SPIDR: variants seen among roughly 807,000 people sequenced by gnomAD.
SPIDR encodes the protein DNA repair-scaffolding protein.
In SPIDR, 93 loss-of-function variants were observed where a neutral mutation model predicts 104.6. That is an observed-to-expected ratio of 0.89 (90% confidence interval 0.75 to 1.06). The LOEUF is 1.06. SPIDR is among the 50% of genes least tolerant of loss of function. The pLI is 0.00. For synonymous variants in SPIDR, 431 were observed against 416.9 expected (o/e 1.03, Z -0.41); for missense variants, 1,154 against 1,111.2 (o/e 1.04, Z -0.55).
At chr8:47,729,211 C>T in intron 18 of SPIDR, 164 bp downstream of exon 18, 1 of 1,494,606 alleles carries the variant, frequency 6.7e-7, no homozygotes, top group Non-Finnish European at 8.9e-7. Context: ...TAGGAGCTTC[C>T]CTAGGAAAGG....
chr8:47,701,176 G>C (rs1435007247), intron 12 of SPIDR, among the ~76,000 whole-genome samples: 1 of 152,246 alleles, frequency 6.6e-6, no homozygotes, highest in African/African-American at 2.4e-5. Context: ...GCTCATGCCT[G>C]TAATCCCAGC....
chr8:47,673,833 T>C lies in SPIDR; in HGVS notation c.1577T>C (p.Met526Thr), dbSNP rs1160729508. ...CTTCTGGTACAAGATGCCTGTGGAA[T>C]GTTCGGTGAAGTGCACTTGGAGTTC... The part of the protein sequence containing the change: ...ACLLVQDACG[M>T]FGEVHLEFTM... The change falls in exon 11 of 20, where the codon ATG (methionine) becomes ACG (threonine). Residue 526 changes from methionine to threonine, a missense_variant. Coordinates refer to ENST00000297423, the MANE Select transcript of SPIDR (RefSeq NM_001080394.4). The C allele has an allele frequency of 1.2e-6, 2 of 1,614,158 alleles. No homozygotes were observed. Among genetic ancestry groups the C allele is most frequent in the African/African-American group, 1.3e-5 (1 of 75,020 alleles).
At chr8:47,529,141 G>A (rs1304449764) in intron 8 of SPIDR, among the ~76,000 whole-genome samples, 1 of 152,144 alleles carries the variant, frequency 6.6e-6, no homozygotes, top group African/African-American at 2.4e-5. Context: ...ATTAAAGGAG[G>A]CCGGGCCCGG....
intron 10 of SPIDR, among the ~76,000 whole-genome samples, chr8:47,605,938 C>G (rs1408913138): frequency 5.9e-5 from 9 of 152,312 alleles, no homozygotes; most frequent in African/African-American, 2.2e-4. Context: ...CATCTGGCTG[C>G]TGAGGAAGCT....
intron 10 of SPIDR, among the ~76,000 whole-genome samples, chr8:47,655,569 GTTGT>G (rs1423309413): frequency 2.0e-5 from 3 of 152,090 alleles, no homozygotes; most frequent in African/African-American, 4.8e-5. Flanking sequence ...TTTTGATGGG[GTTGT>G]TTGTTTTTTT....
chr8:47,529,943 G>C (rs1438194868), intron 8 of SPIDR, among the ~76,000 whole-genome samples: 1 of 152,110 alleles, frequency 6.6e-6, no homozygotes, highest in Non-Finnish European at 1.5e-5. Context: ...AGTAAAAAAG[G>C]AAGTACAATC....
chr8:47,284,311 A>ACT (rs2038388400), intron 3 of SPIDR, among the ~76,000 whole-genome samples: 1 of 152,202 alleles, frequency 6.6e-6, no homozygotes, highest in Non-Finnish European at 1.5e-5. Flanking sequence ...CCTACAGATA[A>ACT]CTAACATTTT....
At chr8:47,431,161 G>A (rs1183038990) in intron 7 of SPIDR, among the ~76,000 whole-genome samples, 2 of 152,212 alleles carry the variant, frequency 1.3e-5, no homozygotes, top group African/African-American at 4.8e-5. Flanking sequence ...TCGCCTTCTT[G>A]CTGTGTGCTC....
chr8:47,287,493 T>G (rs1229957043), intron 3 of SPIDR, among the ~76,000 whole-genome samples: 3 of 152,132 alleles, frequency 2.0e-5, no homozygotes, highest in Non-Finnish European at 4.4e-5. Flanking sequence ...TGTATTTCAG[T>G]TCTTATCCCA....
chr8:47,396,379 A>G lies in SPIDR; in HGVS notation c.529A>G (p.Ser177Gly). ...DEKLSELPKP[S>G]SIEILEYSSD... ...CTTTCTTTTAATTTTTTTTCAGCCAAGTTCTATAGAAATTTTAGAGTATTC... is the reference window on the plus strand; with the variant it reads ...CTTTCTTTTAATTTTTTTTCAGCCAGGTTCTATAGAAATTTTAGAGTATTC... Residue 177 changes from serine to glycine, a missense_variant, in exon 6 of 20, where the codon AGT (serine) becomes GGT (glycine). Physicochemically the swap from Ser to Gly is moderately conservative, Grantham distance 56 (BLOSUM62 0). Transcript: ENST00000297423. The G allele has an allele frequency of 6.3e-7, 1 of 1,598,190 alleles. No homozygotes were observed. Among genetic ancestry groups the G allele is most frequent in the Middle Eastern group, 1.7e-4 (1 of 6,020 alleles).
chr8:47,365,163 T>C (rs1329806091), intron 5 of SPIDR, among the ~76,000 whole-genome samples: 1 of 152,202 alleles, frequency 6.6e-6, no homozygotes. Flanking sequence ...CATTGAACTT[T>C]ATAACAATCT....
intron 14 of SPIDR, among the ~76,000 whole-genome samples, chr8:47,711,318 G>T (rs2081855319): frequency 6.6e-6 from 1 of 152,106 alleles, no homozygotes; most frequent in Non-Finnish European, 1.5e-5. Context: ...ATGGAGAATG[G>T]CTTTTTGGTT....
chr8:47,636,159 T>A (rs995830330), intron 10 of SPIDR, among the ~76,000 whole-genome samples: 1 of 152,220 alleles, frequency 6.6e-6, no homozygotes, highest in Non-Finnish European at 1.5e-5. Flanking sequence ...TTCAAATCCC[T>A]TCATTATTAT....
chr8:47,341,675 T>G (rs2050783757), intron 5 of SPIDR, among the ~76,000 whole-genome samples: 2 of 152,232 alleles, frequency 1.3e-5, no homozygotes. Flanking sequence ...ACATTGTTGA[T>G]ACCCACTTCC....
chr8:47,681,525 C>T (rs1402172822), intron 11 of SPIDR, among the ~76,000 whole-genome samples: 1 of 152,086 alleles, frequency 6.6e-6, no homozygotes, highest in Non-Finnish European at 1.5e-5. Context: ...TTACTGTAAA[C>T]TGACAATTAT....
intron 17 of SPIDR, 108 bp downstream of exon 17, chr8:47,727,401 A>C: frequency 1.4e-4 from 130 of 949,074 alleles, no homozygotes; most frequent in Middle Eastern, 2.1e-4. Context: ...TCGAGAGCTC[A>C]AGGGGCAACC....
At chr8:47,491,765 G>GT (rs1417099887) in intron 8 of SPIDR, among the ~76,000 whole-genome samples, 2 of 152,042 alleles carry the variant, frequency 1.3e-5, no homozygotes, top group African/African-American at 4.8e-5. Flanking sequence ...CAGGAAGATA[G>GT]TTTGAGCCCA....
At chr8:47,675,874 A>G (rs1466112051) in intron 11 of SPIDR, among the ~76,000 whole-genome samples, 1 of 152,248 alleles carries the variant, frequency 6.6e-6, no homozygotes, top group Non-Finnish European at 1.5e-5. Flanking sequence ...GACTAAGTGT[A>G]GTTATGGTAA....
chr8:47,713,044 A>C (rs2082098005), intron 15 of SPIDR, 172 bp downstream of exon 15: 2 of 1,384,130 alleles, frequency 1.4e-6, no homozygotes, highest in Non-Finnish European at 1.9e-6. Flanking sequence ...ACCCTGTAGC[A>C]GCCACCTGGG....
Sources: allele counts gnomAD v4.1 joint callset (sites outside exome capture counted in the v4.1 genomes callset), GRCh38; gene constraint gnomAD v4.1.1; transcripts MANE v1.5; gene names NCBI Gene and HGNC (gene_info 2026-07-23, HGNC 2026-07-21).